ANKS1B: variants seen among roughly 807,000 people sequenced by gnomAD.
The protein encoded by ANKS1B is ankyrin repeat and sterile alpha motif domain containing 1B, also known as ankyrin repeat and sterile alpha motif domain-containing protein 1B.
Under a neutral mutation model 148.3 loss-of-function variants are expected in ANKS1B, and 36 were observed. The ratio of observed to expected loss-of-function variants is 0.24; its 90% CI spans 0.19 to 0.32. The LOEUF (loss-of-function observed/expected upper bound fraction) is 0.32. Ranked by LOEUF, ANKS1B falls within the 10% of genes least tolerant of loss-of-function variation. The pLI, the probability that ANKS1B is intolerant of heterozygous loss-of-function variation, is 1.00. For missense variants in ANKS1B, 1,157 were observed against 1,542.6 expected (o/e 0.75, Z 4.19); for synonymous variants, 542 against 560.8 (o/e 0.97, Z 0.47).
intron 9 of ANKS1B, among the ~76,000 whole-genome samples, chr12:99,608,895 C>A (rs1299847524): frequency 6.6e-6 from 1 of 151,914 alleles, no homozygotes; most frequent in Non-Finnish European, 1.5e-5. Flanking sequence ...AAGGCCCACT[C>A]AAGGAAACTG....
At chr12:99,474,550 C>T (rs921972122) in intron 10 of ANKS1B, among the ~76,000 whole-genome samples, 1 of 151,680 alleles carries the variant, frequency 6.6e-6, no homozygotes, top group African/African-American at 2.4e-5. Flanking sequence ...ATTAGAAATA[C>T]ACCTAAAATA....
intron 11 of ANKS1B, among the ~76,000 whole-genome samples, chr12:99,420,933 C>G (rs929271418): frequency 4.6e-5 from 7 of 152,106 alleles, no homozygotes; most frequent in Non-Finnish European, 1.0e-4. Flanking sequence ...CTTATTAACA[C>G]ATATTTGGGA....
chr12:99,362,022 T>C (rs1449957013), intron 12 of ANKS1B, among the ~76,000 whole-genome samples: 3 of 151,988 alleles, frequency 2.0e-5, no homozygotes, highest in Non-Finnish European at 4.4e-5. Context: ...ATTTTAAAAG[T>C]ACATTATCAA....
chr12:98,770,256 T>G (rs1284237407), intron 25 of ANKS1B, among the ~76,000 whole-genome samples: 1 of 152,230 alleles, frequency 6.6e-6, no homozygotes, highest in East Asian at 1.9e-4. Flanking sequence ...AGTAGAGAGA[T>G]AGCTGATTTG....
At chr12:99,059,242 T>C (rs2041508407) in intron 16 of ANKS1B, among the ~76,000 whole-genome samples, 1 of 152,192 alleles carries the variant, frequency 6.6e-6, no homozygotes, top group Non-Finnish European at 1.5e-5. Context: ...TGCCTACCCC[T>C]TGGTGAAGAA....
At chr12:98,981,423 C>T (rs772069330) in intron 17 of ANKS1B, among the ~76,000 whole-genome samples, 3 of 152,154 alleles carry the variant, frequency 2.0e-5, no homozygotes, top group Non-Finnish European at 4.4e-5. Context: ...GCAACATCCG[C>T]CTCCTGGGTT....
At chr12:99,723,727 C>G (rs985176028) in intron 8 of ANKS1B, among the ~76,000 whole-genome samples, 4 of 152,166 alleles carry the variant, frequency 2.6e-5, no homozygotes, top group Non-Finnish European at 4.4e-5. Context: ...ACATCCTATA[C>G]AGGAGTGATC....
chr12:99,284,851 T>A (rs895801359), intron 12 of ANKS1B, among the ~76,000 whole-genome samples: 1 of 152,162 alleles, frequency 6.6e-6, no homozygotes, highest in African/African-American at 2.4e-5. Context: ...TGAGTCATTC[T>A]CTCCTTCACT....
chr12:99,183,516 G>A (rs556003912), intron 14 of ANKS1B, among the ~76,000 whole-genome samples: 145 of 152,154 alleles, frequency 9.5e-4, no homozygotes, highest in Non-Finnish European at 1.5e-3. Flanking sequence ...GGTGGTGGTC[G>A]CCTGTAATCC....
intron 15 of ANKS1B, among the ~76,000 whole-genome samples, chr12:99,106,771 T>C (rs533205381): frequency 2.0e-5 from 3 of 152,346 alleles, no homozygotes; most frequent in South Asian, 2.1e-4. Flanking sequence ...AGTTGCCTTA[T>C]TGTGCTTCAA....
intron 17 of ANKS1B, among the ~76,000 whole-genome samples, chr12:98,959,615 A>T (rs2099867919): frequency 6.6e-6 from 1 of 152,168 alleles, no homozygotes. Context: ...GCACCTTCAT[A>T]AGAACCAAAA....
At chr12:99,550,488 G>A (rs553184330) in intron 9 of ANKS1B, among the ~76,000 whole-genome samples, 3 of 152,202 alleles carry the variant, frequency 2.0e-5, no homozygotes, top group Non-Finnish European at 4.4e-5. Flanking sequence ...GCTGGGCATG[G>A]TGGCTGGCAC....
At chr12:99,045,238 C>T (rs985745924) in intron 17 of ANKS1B, among the ~76,000 whole-genome samples, 1 of 152,098 alleles carries the variant, frequency 6.6e-6, no homozygotes, top group Non-Finnish European at 1.5e-5. Context: ...TCAGTAGATA[C>T]CCTCAGGTTC....
At chr12:99,581,451 A>G (rs2097568732) in intron 9 of ANKS1B, among the ~76,000 whole-genome samples, 1 of 152,360 alleles carries the variant, frequency 6.6e-6, no homozygotes, top group East Asian at 1.9e-4. Flanking sequence ...TAAAATTTCT[A>G]AAGAAAAATA....
intron 17 of ANKS1B, among the ~76,000 whole-genome samples, chr12:98,973,213 CA>C (rs534303391): frequency 0.055 from 5,621 of 102,818 alleles, 131 homozygotes; most frequent in Non-Finnish European, 0.072. Context: ...AAACGAAATG[CA>C]AAAAAAAAAA....
At chr12:99,753,764 G>A (rs1023098207) in intron 8 of ANKS1B, among the ~76,000 whole-genome samples, 1 of 152,104 alleles carries the variant, frequency 6.6e-6, no homozygotes, top group African/African-American at 2.4e-5. Flanking sequence ...GCTCACACCT[G>A]TAATACTAGC....
chr12:99,398,118 C>G (rs1245448505), intron 12 of ANKS1B, among the ~76,000 whole-genome samples: 1 of 152,092 alleles, frequency 6.6e-6, no homozygotes, highest in Non-Finnish European at 1.5e-5. Context: ...GACATGGGAA[C>G]ATTTTAAGCA....
At chr12:99,768,095 T>C (rs920862560) in intron 8 of ANKS1B, among the ~76,000 whole-genome samples, 5 of 152,180 alleles carry the variant, frequency 3.3e-5, no homozygotes, top group African/African-American at 9.6e-5. Flanking sequence ...ATCATTAATA[T>C]GTAAAACACA....
At chr12:99,550,389 T>C (rs933078669) in intron 9 of ANKS1B, among the ~76,000 whole-genome samples, 1 of 152,098 alleles carries the variant, frequency 6.6e-6, no homozygotes, top group Non-Finnish European at 1.5e-5. Context: ...TCTGGGAGGC[T>C]GAGGCAGGCA....
Sources: allele counts gnomAD v4.1 joint callset (sites outside exome capture counted in the v4.1 genomes callset), GRCh38; gene constraint gnomAD v4.1.1; transcripts MANE v1.5; gene names NCBI Gene and HGNC (gene_info 2026-07-23, HGNC 2026-07-21).